The following SMIM13 variants were observed in gnomAD, a reference collection of about 807,000 sequenced individuals.
The protein encoded by SMIM13 is small integral membrane protein 13.
A neutral mutation model predicts 5.9 loss-of-function variants in SMIM13; 3 were observed. The observed-to-expected ratio is 0.51, with a 90% CI of 0.23 to 1.31. The LOEUF (loss-of-function observed/expected upper bound fraction) is 1.31, where lower values mean the gene tolerates loss of function less well. SMIM13 is among the 40% of genes most tolerant of loss of function. SMIM13 has a pLI of 0.18. For missense variants in SMIM13, 85 were observed against 109.9 expected (o/e 0.77, Z 1.01); for synonymous variants, 55 against 46.0 (o/e 1.19, Z -0.79).
intron 1 of SMIM13, among the ~76,000 whole-genome samples, chr6:11,118,269 G>C (rs559758026): frequency 6.6e-6 from 1 of 152,336 alleles, no homozygotes; most frequent in African/African-American, 2.4e-5. Context: ...GGTCAGTTTG[G>C]TTGAGGGTTG....
At chr6:11,119,632 C>T (rs541121053) in intron 1 of SMIM13, among the ~76,000 whole-genome samples, 26 of 151,270 alleles carry the variant, frequency 1.7e-4, no homozygotes, top group African/African-American at 4.6e-4. Context: ...CCAGCCTGGA[C>T]GACAGAGCGA....
rs914320800 is a variant in SMIM13 at position 11,137,340 on chromosome 6, G to T, written c.*2738G>T. 1.3e-5 allele frequency: 2 copies of T among 152,042 alleles called. No individual in the cohort carries two copies. The highest frequency in any genetic ancestry group is 4.8e-5 in the African/African-American group (2 of 41,406). The allele number at this position is 152,042 out of a possible 1,614,324, so 9.4% of individuals were successfully genotyped here. Reference sequence around the variant, plus strand: ...CTTACCATGGTACATATTTCTTAATGCCACTAAGAAAGGCAAGATAGTGAA... The same window carrying T: ...CTTACCATGGTACATATTTCTTAATTCCACTAAGAAAGGCAAGATAGTGAA... On this transcript the variant is annotated 3_prime_UTR_variant, in exon 2 of 2. Transcript: ENST00000416247.
chr6:11,117,748 T>TC (rs1322339850), intron 1 of SMIM13, among the ~76,000 whole-genome samples: 1 of 136,536 alleles, frequency 7.3e-6, no homozygotes, highest in Admixed American at 7.0e-5. Context: ...TGGTCTATCT[T>TC]TTTTTTTTTT....
chr6:11,115,195 T>C (rs1758221378), intron 1 of SMIM13, among the ~76,000 whole-genome samples: 1 of 152,222 alleles, frequency 6.6e-6, no homozygotes, highest in Non-Finnish European at 1.5e-5. Context: ...ATACAATTGC[T>C]ATATTGGTTT....
At chr6:11,127,168 G>A (rs1410060871) in intron 1 of SMIM13, among the ~76,000 whole-genome samples, 2 of 152,162 alleles carry the variant, frequency 1.3e-5, no homozygotes, top group East Asian at 3.9e-4. Context: ...AGGCCCAAGG[G>A]CTCTACAATC....
rs539522616 is a variant in SMIM13, at chr6:11,094,362, C to G, written c.49C>G (p.Leu17Val). 2.6e-6 allele frequency: 4 copies of G among 1,537,908 alleles called. No individual in the cohort carries two copies. The South Asian group carries it at 4.8e-5, about 18-fold the overall frequency. ...LTLLVFVATL[L>V]IVLLLMVCGW... ...TCTGCTTGTGTTCGTGGCCACGCTGCTGATCGTCCTGCTGCTGATGGTGTG... is the reference window on the plus strand; with the variant it reads ...TCTGCTTGTGTTCGTGGCCACGCTGGTGATCGTCCTGCTGCTGATGGTGTG... The change falls in exon 1 of 2, where the codon CTG becomes GTG. Residue 17 changes from leucine (L) to valine (V), a missense_variant. Coordinates refer to ENST00000416247, the MANE Select transcript of SMIM13 (RefSeq NM_001135575.2).
intron 1 of SMIM13, chr6:11,103,775 G>A (rs1238306163): frequency 6.4e-7 from 1 of 1,551,704 alleles, no homozygotes; most frequent in Non-Finnish European, 8.7e-7. Flanking sequence ...GAAGGCGAGA[G>A]GAGACAAATT....
At position 11,094,201 on chromosome 6, in the gene SMIM13, CCCGGCGCCCAGCCGCG is replaced by C. The variant is rs1757890562; in HGVS notation, c.-110_-95del. On this transcript the variant is annotated 5_prime_UTR_variant, in exon 1 of 2. An upstream open reading frame in the 5' UTR loses its in-frame stop. Coordinates refer to ENST00000416247, the MANE Select transcript of SMIM13 (RefSeq NM_001135575.2). ...AGGGGGCGCCAGCCGCCCATGCCGC[CCCGGCGCCCAGCCGCG>C]CCTGGCGCCCGCCGCTGAAGCGCAG... 4 of 336,302 alleles carry C rather than the reference CCCGGCGCCCAGCCGCG, an allele frequency of 1.2e-5. No homozygotes were observed. Among genetic ancestry groups the C allele is most frequent in the Non-Finnish European group, 1.7e-5 (4 of 236,088 alleles). 20.8% of individuals were successfully genotyped at this position (336,302 alleles called of 1,614,324 possible).
intron 1 of SMIM13, among the ~76,000 whole-genome samples, chr6:11,098,639 G>A (rs1389888139): frequency 5.3e-5 from 8 of 152,212 alleles, no homozygotes; most frequent in African/African-American, 2.4e-5. Context: ...CACCATGTTG[G>A]CCAGGCTTGT....
chr6:11,108,664 C>T (rs1369421974), intron 1 of SMIM13, among the ~76,000 whole-genome samples: 1 of 152,172 alleles, frequency 6.6e-6, no homozygotes, highest in Non-Finnish European at 1.5e-5. Context: ...CCTTTTGCCT[C>T]TCCTTTTCTT....
rs1561749102 is a variant in SMIM13 at position 11,094,394 on chromosome 6, G to T, written c.76+5G>T. ...TCCTGCTGCTGATGGTGTGCGGTGA[G>T]TGGGGGCGGTAGCCGCGAGGCAGTT... On this transcript the variant is annotated splice_donor_5th_base_variant and intron_variant, in intron 1 of 1. Coordinates refer to ENST00000416247, the MANE Select transcript of SMIM13 (RefSeq NM_001135575.2). The T allele has an allele frequency of 6.5e-7, 1 of 1,534,728 alleles. No homozygotes were observed. The highest frequency in any genetic ancestry group is 8.8e-7 in the Non-Finnish European group (1 of 1,142,290).
At chr6:11,113,491 A>G (rs1378735280) in intron 1 of SMIM13, among the ~76,000 whole-genome samples, 1 of 152,198 alleles carries the variant, frequency 6.6e-6, no homozygotes, top group East Asian at 1.9e-4. Context: ...GTTGTAAACA[A>G]TTCTTTATTC....
chr6:11,104,783 T>G (rs768146373), intron 1 of SMIM13: 2 of 1,614,166 alleles, frequency 1.2e-6, no homozygotes, highest in South Asian at 2.2e-5. Context: ...AAGTAATATT[T>G]GGAGGTTTGG....
rs574268952 is a variant in SMIM13, at chr6:11,121,907, A to G, written c.77-12496A>G. Among the ~76,000 whole-genome samples the G allele has an allele frequency of 3.0e-5, 3 of 100,720 alleles. No homozygotes were observed. The South Asian group carries it at 8.5e-4, about 29-fold the overall frequency. 66.1% of individuals were successfully genotyped at this position (100,720 alleles called of 152,430 possible). On this transcript the variant is annotated intron_variant, in intron 1 of 1. Transcript: ENST00000416247. ...GGCCAGTTTCTTTGTTGCTCCCCTT[A>G]CATACATACCTACACCGTCTCACTA...
intron 1 of SMIM13, among the ~76,000 whole-genome samples, chr6:11,120,856 G>A (rs1758299382): frequency 1.3e-5 from 2 of 152,184 alleles, no homozygotes; most frequent in South Asian, 4.1e-4. Context: ...GAATGTAAAA[G>A]CACTGTGTGA....
At chr6:11,117,670 A>T (rs748973443) in intron 1 of SMIM13, among the ~76,000 whole-genome samples, 9 of 151,294 alleles carry the variant, frequency 5.9e-5, no homozygotes, top group Non-Finnish European at 1.0e-4. Flanking sequence ...TGGTCACACA[A>T]TGTATTTTGT....
At chr6:11,098,879 A>T (rs1484675707) in intron 1 of SMIM13, among the ~76,000 whole-genome samples, 1 of 152,178 alleles carries the variant, frequency 6.6e-6, no homozygotes, top group Non-Finnish European at 1.5e-5. Flanking sequence ...ATTATTCCTA[A>T]TATGTTCATA....
chr6:11,107,616 A>T (rs1056398405), intron 1 of SMIM13, among the ~76,000 whole-genome samples: 3 of 152,196 alleles, frequency 2.0e-5, no homozygotes, highest in Non-Finnish European at 2.9e-5. Flanking sequence ...GGGGAGATAC[A>T]AAAGAAAGAG....
chr6:11,099,416 A>C (rs901407964), intron 1 of SMIM13, among the ~76,000 whole-genome samples: 1 of 151,692 alleles, frequency 6.6e-6, no homozygotes, highest in African/African-American at 2.4e-5. Flanking sequence ...CTCGTGATCC[A>C]CCCGCCTCAG....
Sources: allele counts gnomAD v4.1 joint callset (sites outside exome capture counted in the v4.1 genomes callset), GRCh38; gene constraint gnomAD v4.1.1; transcripts MANE v1.5; gene names NCBI Gene and HGNC (gene_info 2026-07-23, HGNC 2026-07-21).